C10orf90: variants seen among roughly 807,000 people sequenced by gnomAD.
C10orf90 encodes the protein chromosome 10 open reading frame 90.
In C10orf90, 56 loss-of-function variants were observed where a neutral mutation model predicts 62.5. The ratio of observed to expected loss-of-function variants is 0.90; its 90% CI spans 0.72 to 1.12. C10orf90 has a LOEUF of 1.12. Ranked by LOEUF, C10orf90 falls within the 50% of genes most tolerant of loss-of-function variation. The pLI is 0.00. For missense variants in C10orf90, 970 were observed against 880.4 expected, an observed-to-expected ratio of 1.10 and a Z score of -1.29; for synonymous variants, 386 against 340.4, an observed-to-expected ratio of 1.13 and a Z score of -1.47.
chr10:126,528,179 G>A (rs1330019646), intron 2 of C10orf90, among the ~76,000 whole-genome samples: 2 of 152,068 alleles, frequency 1.3e-5, no homozygotes, highest in Non-Finnish European at 2.9e-5. Flanking sequence ...GGAAGGAGAG[G>A]TGCCTGAGAA....
chr10:126,440,121 CT>C (rs1858208553), intron 7 of C10orf90, among the ~76,000 whole-genome samples: 2 of 152,208 alleles, frequency 1.3e-5, no homozygotes, highest in African/African-American at 4.8e-5. Context: ...AACTAAAGCC[CT>C]TTTCTTTCAC....
At chr10:126,458,956 C>G (rs1859766607) in intron 7 of C10orf90, 84 bp downstream of exon 7, 1 of 1,380,020 alleles carries the variant, frequency 7.2e-7, no homozygotes, top group Non-Finnish European at 9.8e-7. Flanking sequence ...TCATTTGGAG[C>G]CATCACCCCT....
chr10:126,666,904 C>A lies in C10orf90; in HGVS notation c.240+3337G>T, dbSNP rs186805538. 2.9e-3 allele frequency among the ~76,000 whole-genome samples: 444 copies of A among 150,744 alleles called. 3 individuals are homozygous for A. Among genetic ancestry groups the A allele is most frequent in the African/African-American group, 0.01 (426 of 41,204 alleles). On this transcript the variant is annotated intron_variant, in intron 1 of 9. Coordinates refer to ENST00000488181, the MANE Select transcript of C10orf90 (RefSeq NM_001350921.2). ...CTGAGGCAGGAGAATCATTTGAACCCGGGAGGCGGAGGTTGCAGTGAGCCA... is the reference window on the plus strand; with the variant it reads ...CTGAGGCAGGAGAATCATTTGAACCAGGGAGGCGGAGGTTGCAGTGAGCCA...
chr10:126,592,441 T>A (rs1015285303), intron 2 of C10orf90, among the ~76,000 whole-genome samples: 2 of 151,960 alleles, frequency 1.3e-5, no homozygotes, highest in African/African-American at 4.8e-5. Context: ...AAGCAATGGG[T>A]AAAGGATTCC....
At chr10:126,477,333 G>T (rs1386312610) in intron 4 of C10orf90, among the ~76,000 whole-genome samples, 3 of 150,844 alleles carry the variant, frequency 2.0e-5, no homozygotes, top group Non-Finnish European at 3.0e-5. Context: ...AAAGATAGTT[G>T]ATTTCTTTTC....
intron 1 of C10orf90, among the ~76,000 whole-genome samples, chr10:126,651,330 T>TTACCTGAACTAACCTAAGGCTA (rs1448101264): frequency 1.3e-5 from 2 of 152,200 alleles, no homozygotes; most frequent in Non-Finnish European, 2.9e-5. Flanking sequence ...CAGCAAAACC[T>TTACCTGAACTAACCTAAGGCTA]TACCTGAACT....
intron 2 of C10orf90, among the ~76,000 whole-genome samples, chr10:126,517,688 G>A (rs2133930498): frequency 6.6e-6 from 1 of 152,222 alleles, no homozygotes; most frequent in African/African-American, 2.4e-5. Context: ...AAGGCAGGTG[G>A]ATCATGAGGT....
At chr10:126,451,318 T>C (rs1859172711) in intron 7 of C10orf90, among the ~76,000 whole-genome samples, 1 of 152,152 alleles carries the variant, frequency 6.6e-6, no homozygotes, top group South Asian at 2.1e-4. Context: ...CCAATCCTAC[T>C]GTTGGGAATT....
chr10:126,499,349 T>G (rs934288061), intron 4 of C10orf90, among the ~76,000 whole-genome samples: 10 of 152,260 alleles, frequency 6.6e-5, no homozygotes, highest in Admixed American at 5.2e-4. Flanking sequence ...CAAACACATA[T>G]TTTCAATCTG....
chr10:126,518,888 G>A (rs980190574), intron 2 of C10orf90, among the ~76,000 whole-genome samples: 6 of 152,102 alleles, frequency 3.9e-5, no homozygotes, highest in Admixed American at 2.6e-4. Flanking sequence ...CCAGAATCCC[G>A]GTTTTCTGCC....
chr10:126,478,143 T>C (rs1006433505), intron 4 of C10orf90, among the ~76,000 whole-genome samples: 1 of 152,222 alleles, frequency 6.6e-6, no homozygotes, highest in Non-Finnish European at 1.5e-5. Flanking sequence ...GGTTGGTTTG[T>C]GACATGGCAT....
chr10:126,549,137 C>T (rs919079023), intron 2 of C10orf90, among the ~76,000 whole-genome samples: 6 of 152,080 alleles, frequency 3.9e-5, no homozygotes, highest in Non-Finnish European at 7.4e-5. Flanking sequence ...AAGAATGATC[C>T]ACAAAAGGAA....
intron 1 of C10orf90, among the ~76,000 whole-genome samples, chr10:126,649,097 G>A (rs539639506): frequency 4.2e-4 from 52 of 124,820 alleles, no homozygotes; most frequent in South Asian, 7.9e-4. Flanking sequence ...ATTCACAATG[G>A]ATGGCAAATT....
chr10:126,645,824 C>T (rs1846159597), intron 2 of C10orf90, among the ~76,000 whole-genome samples: 1 of 152,188 alleles, frequency 6.6e-6, no homozygotes, highest in Non-Finnish European at 1.5e-5. Flanking sequence ...CATCCACATA[C>T]ATACAAACAC....
intron 7 of C10orf90, among the ~76,000 whole-genome samples, chr10:126,458,036 C>G (rs929565418): frequency 6.6e-6 from 1 of 152,036 alleles, no homozygotes; most frequent in Non-Finnish European, 1.5e-5. Context: ...CATCCTTCCC[C>G]GAGGTCTTTA....
At position 126,425,874 on chromosome 10, in the gene C10orf90, T is replaced by C. The variant is rs1379238822; in HGVS notation, c.2381A>G (p.Asn794Ser). The stretch of plus-strand genomic sequence containing the variant: ...CAGGGCAGCCTGTGGTTAGACCGCA[T>C]TCCTTTGAAGGAGCTGGTCCAGTAA... ...KQLLDQLLQRNAV is the reference protein window; with the variant it reads ...KQLLDQLLQRSAV The change falls in exon 10 of 10, where the codon AAT becomes AGT. Residue 794 changes from asparagine to serine, a missense_variant. Asn to Ser is a conservative substitution (Grantham distance 46). Coordinates refer to ENST00000488181, the MANE Select transcript of C10orf90 (RefSeq NM_001350921.2). The C allele has an allele frequency of 6.8e-6, 11 of 1,613,992 alleles. No homozygotes were observed. Among genetic ancestry groups the C allele is most frequent in the Non-Finnish European group, 9.3e-6 (11 of 1,180,024 alleles).
At chr10:126,454,879 T>C (rs1205103978) in intron 7 of C10orf90, among the ~76,000 whole-genome samples, 1 of 152,122 alleles carries the variant, frequency 6.6e-6, no homozygotes, top group African/African-American at 2.4e-5. Context: ...TCTGGTGAAT[T>C]GCACAGGTAG....
At chr10:126,518,961 G>T (rs1254380048) in intron 2 of C10orf90, among the ~76,000 whole-genome samples, 3 of 152,172 alleles carry the variant, frequency 2.0e-5, no homozygotes, top group African/African-American at 7.2e-5. Flanking sequence ...CAGTGCTCAG[G>T]GTGTGTGGGG....
At chr10:126,513,156 T>C (rs1863236872) in intron 3 of C10orf90, among the ~76,000 whole-genome samples, 1 of 152,198 alleles carries the variant, frequency 6.6e-6, no homozygotes, top group Non-Finnish European at 1.5e-5. Flanking sequence ...ACTGTAAATC[T>C]GGTTAACTCA....
Sources: gnomAD v4.1 joint callset for allele counts (sites outside exome capture counted in the v4.1 genomes callset) on GRCh38, gnomAD v4.1.1 for gene constraint, MANE v1.5 for transcripts, NCBI Gene and HGNC (gene_info 2026-07-23, HGNC 2026-07-21) for gene names.